PTPRZ1: variants seen among roughly 807,000 people sequenced by gnomAD.
PTPRZ1 encodes receptor-type tyrosine-protein phosphatase zeta.
A neutral mutation model predicts 214.1 loss-of-function variants in PTPRZ1; 82 were observed. That is an observed-to-expected ratio of 0.38 (90% CI 0.32 to 0.46). The LOEUF (loss-of-function observed/expected upper bound fraction) is 0.46, where lower values mean the gene tolerates loss of function less well. Among genes scored for constraint, PTPRZ1 ranks in the 20% least tolerant of loss-of-function variants. The pLI, the probability that PTPRZ1 is intolerant of heterozygous loss-of-function variation, is 1.00. For missense variants in PTPRZ1, 2,603 were observed against 2,748.7 expected, an observed-to-expected ratio of 0.95 and a Z score of 1.19; for synonymous variants, 945 against 987.9, an observed-to-expected ratio of 0.96 and a Z score of 0.81.
rs1445491650 is a variant in PTPRZ1, at chr7:122,044,417, G to T, written c.5938-5G>T. ...TAATGTTGCTTATTGTCATTGTTTT[G>T]CCAGGAGCAATATGTCTTCATTCAT... On this transcript the variant is annotated splice_region_variant and splice_polypyrimidine_tract_variant and intron_variant, in intron 22 of 29. Coordinates refer to ENST00000393386, the MANE Select transcript of PTPRZ1 (RefSeq NM_002851.3). 3.7e-6 allele frequency: 6 copies of T among 1,613,340 alleles called. No individual in the cohort carries two copies. Among genetic ancestry groups the T allele is most frequent in the Middle Eastern group, 1.6e-4 (1 of 6,076 alleles).
At chr7:121,980,687 TTC>T (rs1169079342) in intron 6 of PTPRZ1, among the ~76,000 whole-genome samples, 3 of 152,248 alleles carry the variant, frequency 2.0e-5, no homozygotes, top group African/African-American at 7.2e-5. Context: ...CTTCAGAAGT[TTC>T]TGTTACAGAA....
intron 2 of PTPRZ1, among the ~76,000 whole-genome samples, chr7:121,952,879 C>G (rs1183243898): frequency 6.6e-6 from 1 of 151,938 alleles, no homozygotes; most frequent in Non-Finnish European, 1.5e-5. Context: ...ATTACTTATA[C>G]TAAAACACAT....
chr7:121,925,864 C>G (rs1159380344), intron 1 of PTPRZ1, among the ~76,000 whole-genome samples: 3 of 152,144 alleles, frequency 2.0e-5, no homozygotes, highest in East Asian at 3.9e-4. Flanking sequence ...AGGCTCCTAC[C>G]CTCCCACCTA....
At chr7:122,034,181 T>C (rs888071590) in intron 16 of PTPRZ1, 66 bp downstream of exon 16, 8 of 1,563,578 alleles carry the variant, frequency 5.1e-6, no homozygotes, top group Non-Finnish European at 6.1e-6. Context: ...AAAAATTTCA[T>C]TTGATAGATT....
At chr7:121,980,156 C>T (rs1275407300) in intron 6 of PTPRZ1, among the ~76,000 whole-genome samples, 4 of 152,124 alleles carry the variant, frequency 2.6e-5, no homozygotes, top group Non-Finnish European at 5.9e-5. Context: ...CTTTCCCTTC[C>T]GGGCCCCTGG....
chr7:121,980,897 C>T (rs1048186110), intron 6 of PTPRZ1, among the ~76,000 whole-genome samples: 19 of 152,096 alleles, frequency 1.2e-4, no homozygotes, highest in Non-Finnish European at 2.5e-4. Flanking sequence ...GATCCCAGCA[C>T]TTTGGGAGGC....
At chr7:121,958,150 C>T (rs1293207532) in intron 2 of PTPRZ1, among the ~76,000 whole-genome samples, 1 of 152,170 alleles carries the variant, frequency 6.6e-6, no homozygotes, top group Non-Finnish European at 1.5e-5. Context: ...TTAAAAAGTG[C>T]TTTAATTCTA....
At chr7:122,001,908 A>C (rs1584730154) in intron 10 of PTPRZ1, among the ~76,000 whole-genome samples, 1 of 152,144 alleles carries the variant, frequency 6.6e-6, no homozygotes, top group African/African-American at 2.4e-5. Context: ...TATTTTGATG[A>C]AGGGAGATGA....
chr7:121,908,248 GTTATACAACAGGTC>G (rs2116295386), intron 1 of PTPRZ1, among the ~76,000 whole-genome samples: 1 of 152,130 alleles, frequency 6.6e-6, no homozygotes, highest in African/African-American at 2.4e-5. Context: ...ATATGGTCAG[GTTATACAACAGGTC>G]ACCTGTTGTC....
intron 1 of PTPRZ1, among the ~76,000 whole-genome samples, chr7:121,874,039 GACACAC>G (rs10640393): frequency 1.4e-4 from 20 of 147,818 alleles, no homozygotes; most frequent in Non-Finnish European, 2.8e-4. Context: ...GTGAATTGCA[GACACAC>G]ACACACACAC....
At chr7:121,985,780 C>G (rs1797748861) in intron 8 of PTPRZ1, among the ~76,000 whole-genome samples, 2 of 152,220 alleles carry the variant, frequency 1.3e-5, no homozygotes. Flanking sequence ...TGGTGCTCCT[C>G]TGGAGGTTGT....
chr7:122,061,148 C>G lies in PTPRZ1; in HGVS notation c.6876C>G (p.Ser2292=). 1 of 1,609,094 alleles carries G rather than the reference C, an allele frequency of 6.2e-7. No homozygotes were observed. The highest frequency in any genetic ancestry group is 1.7e-4 in the Middle Eastern group (1 of 6,048). ...LVSTRQEENP[S]TSLDSNGAAL... The stretch of plus-strand genomic sequence containing the variant: ...GCACAAGGCAGGAAGAGAATCCATC[C>G]ACCTCTCTGGACAGTAATGGTGCAG... Residue 2292 remains serine, a synonymous_variant, in exon 30 of 30, where the codon TCC becomes TCG. Coordinates refer to ENST00000393386, the MANE Select transcript of PTPRZ1 (RefSeq NM_002851.3).
At chr7:121,901,847 T>G (rs1427937042) in intron 1 of PTPRZ1, among the ~76,000 whole-genome samples, 1 of 152,194 alleles carries the variant, frequency 6.6e-6, no homozygotes, top group African/African-American at 2.4e-5. Flanking sequence ...TTTCATTCCT[T>G]TGTGGCAAAA....
intron 2 of PTPRZ1, among the ~76,000 whole-genome samples, chr7:121,929,830 AT>A (rs1403384080): frequency 2.3e-3 from 45 of 19,274 alleles, no homozygotes; most frequent in African/African-American, 8.2e-3. Flanking sequence ...AAAATAAAAA[AT>A]AAATAAATAA....
chr7:121,916,584 C>T (rs1193347120), intron 1 of PTPRZ1, among the ~76,000 whole-genome samples: 1 of 152,166 alleles, frequency 6.6e-6, no homozygotes, highest in Non-Finnish European at 1.5e-5. Flanking sequence ...ATGTATTCTC[C>T]AAGACTATTA....
rs1793935687 is a variant in PTPRZ1 at position 121,873,301 on chromosome 7, C to G, written c.-199C>G. 1 of 535,552 alleles carries G rather than the reference C, an allele frequency of 1.9e-6. No individual in the cohort carries two copies. The highest frequency in any genetic ancestry group is 3.3e-6 in the Non-Finnish European group (1 of 305,418). The allele number at this position is 535,552 out of a possible 1,614,324, so 33.2% of individuals were successfully genotyped here. A position where few individuals can be genotyped will look rare whatever the true frequency, so the allele number is the denominator to read the frequency against. On this transcript the variant is annotated 5_prime_UTR_variant, in exon 1 of 30. Transcript: ENST00000393386. ...TCTCGCTGTCTCTGACTGTCTCTCTCTGTCTCTGTCTCTGTCTCTCTCTCT... is the reference window on the plus strand; with the variant it reads ...TCTCGCTGTCTCTGACTGTCTCTCTGTGTCTCTGTCTCTGTCTCTCTCTCT...
At chr7:121,939,912 A>G (rs547094728) in intron 2 of PTPRZ1, among the ~76,000 whole-genome samples, 2 of 152,294 alleles carry the variant, frequency 1.3e-5, no homozygotes, top group East Asian at 3.9e-4. Context: ...CTTACCAGAG[A>G]AAGCGACTTT....
chr7:121,951,947 G>A (rs1796552245), intron 2 of PTPRZ1, among the ~76,000 whole-genome samples: 1 of 125,544 alleles, frequency 8.0e-6, no homozygotes, highest in Non-Finnish European at 1.7e-5. Context: ...ATCCATGCGA[G>A]TGTATTTATT....
chr7:122,021,226 T>C (rs1389041580), intron 13 of PTPRZ1, among the ~76,000 whole-genome samples: 1 of 152,202 alleles, frequency 6.6e-6, no homozygotes, highest in African/African-American at 2.4e-5. Context: ...ATCAGTATCT[T>C]ATTTAATACA....
Sources: gnomAD v4.1 joint callset for allele counts (sites outside exome capture counted in the v4.1 genomes callset) on GRCh38, gnomAD v4.1.1 for gene constraint, MANE v1.5 for transcripts, NCBI Gene and HGNC (gene_info 2026-07-23, HGNC 2026-07-21) for gene names.